The following MIGA2 variants were observed in gnomAD, a reference collection of about 807,000 sequenced individuals.
MIGA2 encodes the protein mitoguardin 2, also known as family with sequence similarity 73, member B.
Under a neutral mutation model 69.9 loss-of-function variants are expected in MIGA2, and 36 were observed. The observed-to-expected ratio is 0.52, with a 90% CI of 0.39 to 0.68. MIGA2 has a LOEUF of 0.68. Ranked by LOEUF, MIGA2 falls within the 30% of genes least tolerant of loss-of-function variation. The probability of loss-of-function intolerance (pLI) is 0.00; values close to 1 mark genes in which losing one functional copy is unlikely to be tolerated. For synonymous variants in MIGA2, 333 were observed against 349.2 expected, an observed-to-expected ratio of 0.95 and a Z score of 0.52; for missense variants, 660 against 787.7, an observed-to-expected ratio of 0.84 and a Z score of 1.94.
Position 129,060,341 on chromosome 9 carries a change from G to A in MIGA2, c.794-209G>A. 1 of 520,114 alleles carries A rather than the reference G, an allele frequency of 1.9e-6. No homozygotes were observed. The highest frequency in any genetic ancestry group is 3.5e-6 in the Non-Finnish European group (1 of 289,364). The allele number at this position is 520,114 out of a possible 1,614,324, so 32.2% of individuals were successfully genotyped here. On this transcript the variant is annotated intron_variant, in intron 7 of 15. Transcript: ENST00000684074. This position sits in a 1 kb window ranked among gnomAD's most constrained non-coding sequence, Gnocchi z 4.8. The stretch of plus-strand genomic sequence containing the variant: ...GCTGACGACCTCCGAGGATGTCGTG[G>A]GTGTTGAAGGAGGTCACTCACTGAG...
At position 129,049,501 on chromosome 9, in the gene MIGA2, G is replaced by A. The variant is rs1179562862; in HGVS notation, c.538+3G>A. 2 of 1,612,784 alleles carry A rather than the reference G, an allele frequency of 1.2e-6. No individual in the cohort carries two copies. The highest frequency in any genetic ancestry group is 2.2e-5 in the East Asian group (1 of 44,858). On this transcript the variant is annotated splice_donor_region_variant and intron_variant, in intron 5 of 15. Transcript: ENST00000684074. ...TGCAGAGAGCCTGTACATGCAAGGT[G>A]TGGCCAGGAGGTGCCTCAGCTTCGA...
chr9:129,044,785 TGGTCTGTGTTGGCC>T (rs1845121713), intron 3 of MIGA2, among the ~76,000 whole-genome samples: 2 of 151,510 alleles, frequency 1.3e-5, no homozygotes, highest in Admixed American at 1.3e-4. Context: ...TTGGCCAGGC[TGGTCTGTGTTGGCC>T]AGGCTGGTCT....
chr9:129,061,304 T>G lies in MIGA2; in HGVS notation c.968T>G (p.Leu323Arg). The G allele has an allele frequency of 6.3e-7, 1 of 1,594,630 alleles. No individual in the cohort carries two copies. Among genetic ancestry groups the G allele is most frequent in the East Asian group, 2.3e-5 (1 of 43,332 alleles). The stretch of plus-strand genomic sequence containing the variant: ...CCCGCCGCTGCCTATGAGGAGGCCC[T>G]GCAGCTGGTGAAGGAGGGGAGAGTG... ...SRPAAAYEEALQLVKEGRVPC... is the reference protein window; with the variant it reads ...SRPAAAYEEARQLVKEGRVPC... Residue 323 changes from leucine to arginine, a missense_variant, in exon 9 of 16, where the codon CTG becomes CGG. By Grantham distance (102) the Leu-to-Arg change is moderately radical. Transcript: ENST00000684074. This position sits in a 1 kb window ranked among gnomAD's most constrained non-coding sequence, Gnocchi z 5.0.
rs921917649 is a variant in MIGA2, at chr9:129,069,739, T to C, written c.1459-110T>C. 1.3e-6 allele frequency: 1 copy of C among 792,368 alleles called. No individual in the cohort carries two copies. The highest frequency in any genetic ancestry group is 2.3e-6 in the Non-Finnish European group (1 of 442,796). The allele number at this position is 792,368 out of a possible 1,614,324, so 49.1% of individuals were successfully genotyped here. A position where few individuals can be genotyped will look rare whatever the true frequency, so the allele number is the denominator to read the frequency against. On this transcript the variant is annotated intron_variant, in intron 14 of 15. Coordinates refer to ENST00000684074, the MANE Select transcript of MIGA2 (RefSeq NM_001329990.2). This position sits in a 1 kb window ranked among gnomAD's most constrained non-coding sequence, Gnocchi z 4.9. ...TGCCCAGGGTCATCTAGCAGGAAAG[T>C]ACATGAGCTGGGGCGACCTCTAAAG... is the stretch of plus-strand genomic sequence containing the variant.
chr9:129,049,345 G>A (rs1296603346), intron 4 of MIGA2, 36 bp from the exon 5 acceptor site: 6 of 1,605,274 alleles, frequency 3.7e-6, no homozygotes, highest in South Asian at 2.2e-5. Context: ...GCCCGGGAAA[G>A]CTTCACTCTT....
intron 11 of MIGA2, among the ~76,000 whole-genome samples, chr9:129,066,041 T>TCCTGGCAGTGGCCGTTTA (rs1230781128): frequency 6.6e-6 from 1 of 152,212 alleles, no homozygotes; most frequent in Admixed American, 6.5e-5. Context: ...TCGGATATTC[T>TCCTGGCAGTGGCCGTTTA]CCTGGCAGTG....
chr9:129,037,658 G>T (rs1797544605), intron 1 of MIGA2, among the ~76,000 whole-genome samples: 1 of 152,150 alleles, frequency 6.6e-6, no homozygotes, highest in African/African-American at 2.4e-5. Context: ...GACAGCAGGG[G>T]CTGCTCTGGA....
chr9:129,068,091 C>T lies in MIGA2; in HGVS notation c.1270-107C>T, dbSNP rs1220406252. ...GAGCGGGAAAGACGTGTCCCCCCCA[C>T]GTGTGCTCATGCCCTGGACCCCAGC... On this transcript the variant is annotated intron_variant, in intron 12 of 15. Transcript: ENST00000684074. This position sits in a 1 kb window ranked among gnomAD's most constrained non-coding sequence, Gnocchi z 4.1. 9 of 1,489,490 alleles carry T rather than the reference C, an allele frequency of 6.0e-6. No homozygotes were observed. Among genetic ancestry groups the T allele is most frequent in the South Asian group, 4.6e-5 (4 of 87,688 alleles). The allele number at this position is 1,489,490 out of a possible 1,614,324, so 92.3% of individuals were successfully genotyped here. A position where few individuals can be genotyped will look rare whatever the true frequency, so the allele number is the denominator to read the frequency against.
chr9:129,052,139 T>A (rs1845581105), intron 6 of MIGA2, among the ~76,000 whole-genome samples: 1 of 151,124 alleles, frequency 6.6e-6, no homozygotes, highest in African/African-American at 2.4e-5. Context: ...AATTTATTTA[T>A]TTTTAAGGTG....
At chr9:129,042,189 G>T (rs1413263118) in intron 2 of MIGA2, 115 bp from the exon 3 acceptor site, 30 of 1,010,058 alleles carry the variant, frequency 3.0e-5, no homozygotes, top group Non-Finnish European at 4.1e-5. Context: ...CATCTGGTCG[G>T]CAGATGTGCC....
intron 3 of MIGA2, among the ~76,000 whole-genome samples, 199 bp downstream of exon 3, chr9:129,042,713 A>G (rs1358734202): frequency 6.6e-6 from 1 of 152,058 alleles, no homozygotes; most frequent in African/African-American, 2.4e-5. Flanking sequence ...TTGGATGCGC[A>G]TGCTCCATTG....
In MIGA2 at chr9:129,068,191, T is replaced by C; in HGVS notation, c.1270-7T>C. On this transcript the variant is annotated splice_polypyrimidine_tract_variant and splice_region_variant and intron_variant, in intron 12 of 15. Transcript: ENST00000684074. The surrounding 1 kb of genome is among the most constrained non-coding windows in gnomAD (Gnocchi z 4.1). ...ATGCATGAGCCTCCCGGGGGCACCC[T>C]CTGTAGGTGGTATGCATGAGCTTCT... is the stretch of plus-strand genomic sequence containing the variant. 1 of 1,613,700 alleles carries C rather than the reference T, an allele frequency of 6.2e-7. No homozygotes were observed. Among genetic ancestry groups the C allele is most frequent in the Non-Finnish European group, 8.5e-7 (1 of 1,179,980 alleles).
At chr9:129,045,877 C>T (rs1237181335) in intron 3 of MIGA2, among the ~76,000 whole-genome samples, 4 of 145,750 alleles carry the variant, frequency 2.7e-5, no homozygotes, top group African/African-American at 7.6e-5. Flanking sequence ...TTTTTTTAGA[C>T]GGAGTCTTGC....
chr9:129,048,503 C>A lies in MIGA2; in HGVS notation c.384C>A (p.Pro128=), dbSNP rs1564605522. ...TGAGTGGCATCTCTTCCATTGAGCC[C>A]AGCAAGCACTCGGGCTCCTCCCACA... ...DTLSGISSIE[P]SKHSGSSHSV... Residue 128 remains proline (P), a synonymous_variant, in exon 4 of 16, where the codon CCC becomes CCA. Coordinates refer to ENST00000684074, the MANE Select transcript of MIGA2 (RefSeq NM_001329990.2). The A allele has an allele frequency of 1.9e-6, 3 of 1,614,052 alleles. No homozygotes were observed. Among genetic ancestry groups the A allele is most frequent in the Non-Finnish European group, 2.5e-6 (3 of 1,179,940 alleles).
chr9:129,056,648 C>T (rs1393747766), intron 6 of MIGA2, among the ~76,000 whole-genome samples: 13 of 151,804 alleles, frequency 8.6e-5, no homozygotes, highest in South Asian at 2.1e-4. Flanking sequence ...TCTCCCAAGT[C>T]GCTGGAATTA....
rs375978822 is a variant in MIGA2 at position 129,049,419 on chromosome 9, C to T, written c.459C>T (p.Cys153=). ...ACTCATCCAGCCCCACAGCCGCGTG[C>T]TCGGGACTATGGGATGCCAGAGGGA... The part of the protein sequence containing the change: ...AVNSSSPTAA[C]SGLWDARGME... The change falls in exon 5 of 16, where the codon TGC becomes TGT. Residue 153 remains cysteine (C), a synonymous_variant. Transcript: ENST00000684074. The T allele has an allele frequency of 3.2e-5, 51 of 1,613,412 alleles. No homozygotes were observed. Among genetic ancestry groups the T allele is most frequent in the Admixed American group, 1.0e-4 (6 of 59,884 alleles).
chr9:129,045,463 A>C (rs868397032), intron 3 of MIGA2, among the ~76,000 whole-genome samples: 1 of 144,858 alleles, frequency 6.9e-6, no homozygotes. Context: ...AAAAAAAAAA[A>C]AAAAGCAAAA....
chr9:129,051,057 A>T (rs1371571238), intron 6 of MIGA2, among the ~76,000 whole-genome samples: 1 of 151,450 alleles, frequency 6.6e-6, no homozygotes, highest in Non-Finnish European at 1.5e-5. Context: ...TATTTTTAGT[A>T]GAGATGGGGT....
rs28365557 is a variant in MIGA2, at chr9:129,068,288, G to A, written c.1360G>A (p.Ala454Thr). Reference protein sequence around the residue: ...DLENPPASVLAVLRNRWLSDS... With the variant: ...DLENPPASVLTVLRNRWLSDS... The stretch of plus-strand genomic sequence containing the variant: ...GGAGAACCCTCCGGCCTCGGTGCTC[G>A]CCGTCCTGCGGAACCGCTGGCTGTC... The change falls in exon 13 of 16, where the codon GCC (alanine) becomes ACC (threonine). Residue 454 changes from alanine to threonine, a missense_variant. Around this residue, in one of 3 missense-constraint regions of MIGA2, gnomAD observed 220 missense variants for 301.7 expected, o/e 0.73. Coordinates refer to ENST00000684074, the MANE Select transcript of MIGA2 (RefSeq NM_001329990.2). The surrounding 1 kb of genome is among the most constrained non-coding windows in gnomAD (Gnocchi z 4.1). 1.2e-3 allele frequency: 1,855 copies of A among 1,611,150 alleles called. 30 individuals carry two copies. In the East Asian group the frequency reaches 0.034, roughly 29 times the overall value.
Sources: gnomAD v4.1 joint callset for allele counts (sites outside exome capture counted in the v4.1 genomes callset) on GRCh38, gnomAD v4.1.1 for gene constraint, gnomAD v4.1.1 regional missense constraint, Gnocchi (gnomAD v3.1) non-coding constraint, MANE v1.5 for transcripts, NCBI Gene and HGNC (gene_info 2026-07-23, HGNC 2026-07-21) for gene names.